The following SLC10A7 variants were observed in gnomAD, a reference collection of about 807,000 sequenced individuals.
The protein encoded by SLC10A7 is solute carrier family 10 member 7, also known as sodium/bile acid cotransporter 7.
A neutral mutation model predicts 43.2 loss-of-function variants in SLC10A7; 29 were observed. The ratio of observed to expected loss-of-function variants is 0.67; its 90% CI spans 0.50 to 0.92. The LOEUF is 0.92. SLC10A7 is among the 40% of genes least tolerant of loss of function. SLC10A7 has a pLI of 0.00. For synonymous variants in SLC10A7, 152 were observed against 144.8 expected (o/e 1.05, Z -0.35); for missense variants, 295 against 403.2 (o/e 0.73, Z 2.30).
intron 10 of SLC10A7, among the ~76,000 whole-genome samples, chr4:146,280,047 T>C (rs1001276573): frequency 1.3e-5 from 2 of 152,110 alleles, no homozygotes; most frequent in South Asian, 2.1e-4. Flanking sequence ...TTTTCATGTT[T>C]GGTTTATTAG....
intron 6 of SLC10A7, among the ~76,000 whole-genome samples, chr4:146,322,378 C>T (rs1406439038): frequency 1.5e-5 from 2 of 135,842 alleles, no homozygotes; most frequent in Non-Finnish European, 3.1e-5. Flanking sequence ...CCCTCCCCCA[C>T]CCCATAACAG....
chr4:146,355,279 C>T (rs1578974073), intron 5 of SLC10A7, among the ~76,000 whole-genome samples: 1 of 152,168 alleles, frequency 6.6e-6, no homozygotes, highest in Non-Finnish European at 1.5e-5. Flanking sequence ...CCAAAAAATA[C>T]ATGGAAAAAT....
chr4:146,334,054 T>C (rs938769399), intron 5 of SLC10A7, among the ~76,000 whole-genome samples: 35 of 152,058 alleles, frequency 2.3e-4, no homozygotes, highest in Admixed American at 1.8e-3. Context: ...AAGAACAGTT[T>C]CTTAGTTTTC....
intron 10 of SLC10A7, among the ~76,000 whole-genome samples, chr4:146,265,780 T>A (rs1429361359): frequency 1.3e-5 from 2 of 152,184 alleles, no homozygotes; most frequent in African/African-American, 2.4e-5. Flanking sequence ...CGCATTCACA[T>A]ACTGCTCTGG....
chr4:146,482,818 A>G (rs1365108071), intron 4 of SLC10A7, among the ~76,000 whole-genome samples: 1 of 152,196 alleles, frequency 6.6e-6, no homozygotes, highest in African/African-American at 2.4e-5. Context: ...AAAGTCAAAG[A>G]CAAACAGAAA....
At chr4:146,507,371 C>A (rs1041360408) in intron 3 of SLC10A7, among the ~76,000 whole-genome samples, 1 of 152,008 alleles carries the variant, frequency 6.6e-6, no homozygotes, top group South Asian at 2.1e-4. Context: ...ACCATCCTGG[C>A]CAACATGGTG....
At chr4:146,405,088 T>C (rs1397260187) in intron 5 of SLC10A7, among the ~76,000 whole-genome samples, 3 of 152,180 alleles carry the variant, frequency 2.0e-5, no homozygotes, top group African/African-American at 7.2e-5. Flanking sequence ...AGATTTACTA[T>C]AGTTTAGTCT....
At chr4:146,448,375 T>C (rs1731296666) in intron 4 of SLC10A7, among the ~76,000 whole-genome samples, 1 of 152,178 alleles carries the variant, frequency 6.6e-6, no homozygotes, top group Non-Finnish European at 1.5e-5. Context: ...TAACTTCTCA[T>C]AACTGCCATG....
At chr4:146,441,687 G>A in intron 5 of SLC10A7, 1 of 984,986 alleles carries the variant, frequency 1.0e-6, no homozygotes, top group South Asian at 4.7e-5. Context: ...AGACTTTATT[G>A]TCTAAAACCC....
rs567069125 is a variant in SLC10A7 at position 146,377,615 on chromosome 4, A to C, written c.436-51619T>G. Among the ~76,000 whole-genome samples the C allele has an allele frequency of 3.9e-5, 6 of 152,318 alleles. No homozygotes were observed. The South Asian group carries it at 1.0e-3, about 26-fold the overall frequency. On this transcript the variant is annotated intron_variant, in intron 5 of 11. Coordinates refer to ENST00000335472, the MANE Select transcript of SLC10A7 (RefSeq NM_001029998.6). ...TGCAAAGGGTTGTTCAGGGACCCAG[A>C]ACCAAAGACCATATATTAGAACAAA...
intron 4 of SLC10A7, among the ~76,000 whole-genome samples, chr4:146,476,519 T>TG (rs1734044623): frequency 6.6e-6 from 1 of 152,080 alleles, no homozygotes; most frequent in East Asian, 1.9e-4. Context: ...GCATGTGTCT[T>TG]GGGGTGAACG....
At chr4:146,402,664 T>A (rs550965947) in intron 5 of SLC10A7, among the ~76,000 whole-genome samples, 1 of 152,318 alleles carries the variant, frequency 6.6e-6, no homozygotes, top group African/African-American at 2.4e-5. Context: ...GCAGAAGAGC[T>A]CACCCTCATT....
At chr4:146,407,043 C>T (rs1305450122) in intron 5 of SLC10A7, among the ~76,000 whole-genome samples, 1 of 152,116 alleles carries the variant, frequency 6.6e-6, no homozygotes, top group East Asian at 1.9e-4. Flanking sequence ...TCTGGTCTCT[C>T]ATATATAAAC....
intron 5 of SLC10A7, among the ~76,000 whole-genome samples, chr4:146,373,361 C>A (rs567592783): frequency 6.6e-6 from 1 of 151,840 alleles, no homozygotes; most frequent in Admixed American, 6.6e-5. Context: ...GTAGTCCCAG[C>A]TACTCAAGTG....
At chr4:146,399,462 G>C (rs116256501) in intron 5 of SLC10A7, among the ~76,000 whole-genome samples, 12 of 152,252 alleles carry the variant, frequency 7.9e-5, no homozygotes, top group Non-Finnish European at 1.5e-4. Flanking sequence ...CCAATGTGTG[G>C]AGTCAAAATT....
intron 5 of SLC10A7, among the ~76,000 whole-genome samples, chr4:146,364,413 A>G (rs997357772): frequency 3.3e-5 from 5 of 152,132 alleles, no homozygotes; most frequent in Non-Finnish European, 7.4e-5. Context: ...ATCAAACATG[A>G]AAAGAACTAA....
intron 5 of SLC10A7, among the ~76,000 whole-genome samples, chr4:146,360,066 C>G (rs547354523): frequency 7.2e-5 from 11 of 152,272 alleles, no homozygotes; most frequent in Non-Finnish European, 1.6e-4. Context: ...TAGTCCAAAA[C>G]CAGGAACCTA....
intron 5 of SLC10A7, among the ~76,000 whole-genome samples, chr4:146,361,794 T>C (rs1371369057): frequency 6.6e-6 from 1 of 152,126 alleles, no homozygotes; most frequent in African/African-American, 2.4e-5. Flanking sequence ...CTCTCAGACA[T>C]GGAATTTAAA....
At chr4:146,519,074 TA>T (rs1738310554) in intron 1 of SLC10A7, among the ~76,000 whole-genome samples, 1 of 14,066 alleles carries the variant, frequency 7.1e-5, no homozygotes, top group Non-Finnish European at 1.1e-4. Context: ...ACCATATATA[TA>T]TATATATATA....
Sources: gnomAD v4.1 joint callset for allele counts (sites outside exome capture counted in the v4.1 genomes callset) on GRCh38, gnomAD v4.1.1 for gene constraint, MANE v1.5 for transcripts, NCBI Gene and HGNC (gene_info 2026-07-23, HGNC 2026-07-21) for gene names.